Variants in MED20 observed in about 807,000 individuals in gnomAD.
MED20 encodes the protein mediator complex subunit 20.
Under a neutral mutation model 19.7 loss-of-function variants are expected in MED20, and 19 were observed. The observed-to-expected ratio is 0.96, with a 90% CI of 0.67 to 1.42. The LOEUF (loss-of-function observed/expected upper bound fraction) is 1.42. MED20 is among the 40% of genes most tolerant of loss of function. The pLI is 0.00. For missense variants in MED20, 225 were observed against 273.0 expected, an observed-to-expected ratio of 0.82 and a Z score of 1.24; for synonymous variants, 105 against 104.8, an observed-to-expected ratio of 1.00 and a Z score of -0.01.
intron 2 of MED20, among the ~76,000 whole-genome samples, chr6:41,914,202 C>T (rs993391247): frequency 6.6e-6 from 1 of 152,102 alleles, no homozygotes; most frequent in Admixed American, 6.5e-5. Context: ...GTGCTGTTGT[C>T]GGAGGCAGGA....
intron 2 of MED20, among the ~76,000 whole-genome samples, chr6:41,910,084 T>C (rs375793105): frequency 6.6e-6 from 1 of 152,228 alleles, no homozygotes; most frequent in East Asian, 1.9e-4. Context: ...ATAGGTCTTA[T>C]CTACCATGCC....
At position 41,916,841 on chromosome 6, in the gene MED20, G is replaced by A. The variant is rs1561939381; in HGVS notation, c.113C>T (p.Thr38Ile). 1 of 1,614,094 alleles carries A rather than the reference G, an allele frequency of 6.2e-7. No homozygotes were observed. Among genetic ancestry groups the A allele is most frequent in the Non-Finnish European group, 8.5e-7 (1 of 1,180,016 alleles). Reference protein sequence around the residue: ...LEMLGAEKQGTFCVDCETYHT... With the variant: ...LEMLGAEKQGIFCVDCETYHT... ...GTAAGTCTCACAGTCCACACAAAAT[G>A]TTCCTTGCTTCTCTGCCCCAAGCAT... Residue 38 changes from threonine to isoleucine, a missense_variant, in exon 2 of 4, where the codon ACA becomes ATA. Coordinates refer to ENST00000265350, the MANE Select transcript of MED20 (RefSeq NM_004275.5).
In MED20 at chr6:41,905,966, A is replaced by G. The variant is rs1031993422; in HGVS notation, c.*1106T>C. 6.6e-6 allele frequency: 1 copy of G among 152,244 alleles called. No homozygotes were observed. Among genetic ancestry groups the G allele is most frequent in the Non-Finnish European group, 1.5e-5 (1 of 68,048 alleles). The allele number at this position is 152,244 out of a possible 1,614,324, so 9.4% of individuals were successfully genotyped here. ...GCCCTTCTCTCAAGTCAACTCATAA[A>G]CAAATGCTTTAGTTACAGGAGGTAT... On this transcript the variant is annotated 3_prime_UTR_variant, in exon 4 of 4. Coordinates refer to ENST00000265350, the MANE Select transcript of MED20 (RefSeq NM_004275.5).
At position 41,920,991 on chromosome 6, in the gene MED20, C is replaced by T. The variant is rs764631322; in HGVS notation, c.14+14G>A. The T allele has an allele frequency of 1.9e-6, 3 of 1,611,722 alleles. No homozygotes were observed. Among genetic ancestry groups the T allele is most frequent in the East Asian group, 2.2e-5 (1 of 44,454 alleles). Reference sequence around the variant, plus strand: ...ACTCCAAGCCCCGCCCCACAAAACCCCCTGCAGTCCTACCAAGTCACTCCC... The same window carrying T: ...ACTCCAAGCCCCGCCCCACAAAACCTCCTGCAGTCCTACCAAGTCACTCCC... On this transcript the variant is annotated intron_variant, in intron 1 of 3. Coordinates refer to ENST00000265350, the MANE Select transcript of MED20 (RefSeq NM_004275.5).
Position 41,907,026 on chromosome 6 carries a change from T to G in MED20, c.*46A>C. 6.3e-7 allele frequency: 1 copy of G among 1,581,514 alleles called. No individual in the cohort carries two copies. The highest frequency in any genetic ancestry group is 8.7e-7 in the Non-Finnish European group (1 of 1,154,090). Reference sequence around the variant, plus strand: ...CCTGAAAGTCAGCACCTGCTCCTCCTGTGGAGTACCCCTGGTGACAGAGCT... The same window carrying G: ...CCTGAAAGTCAGCACCTGCTCCTCCGGTGGAGTACCCCTGGTGACAGAGCT... On this transcript the variant is annotated 3_prime_UTR_variant, in exon 4 of 4. Coordinates refer to ENST00000265350, the MANE Select transcript of MED20 (RefSeq NM_004275.5).
chr6:41,921,012 C>T lies in MED20; in HGVS notation c.7G>A (p.Val3Met), dbSNP rs200342223. 60 of 1,613,314 alleles carry T rather than the reference C, an allele frequency of 3.7e-5. No homozygotes were observed. The highest frequency in any genetic ancestry group is 5.0e-5 in the Admixed American group (3 of 59,954). Reference sequence around the variant, plus strand: ...AACCCCCTGCAGTCCTACCAAGTCACTCCCATGGCGTCGGGCCAGGAAGGT... The same window carrying T: ...AACCCCCTGCAGTCCTACCAAGTCATTCCCATGGCGTCGGGCCAGGAAGGT... MG[V>M]TCVSQMPVAE... is the part of the protein sequence containing the mutation. The change falls in exon 1 of 4, where the codon GTG becomes ATG. Residue 3 changes from valine to methionine, a missense_variant. Transcript: ENST00000265350.
chr6:41,921,100 C>T lies in MED20; in HGVS notation c.-82G>A. ...CGCCCACAGAAACTCCTTCAGTTCC[C>T]CAACACAACCTTCTGTCTCAGAAGG... On this transcript the variant is annotated 5_prime_UTR_variant, in exon 1 of 4. Coordinates refer to ENST00000265350, the MANE Select transcript of MED20 (RefSeq NM_004275.5). The T allele has an allele frequency of 6.4e-7, 1 of 1,560,314 alleles. No individual in the cohort carries two copies. The highest frequency in any genetic ancestry group is 8.8e-7 in the Non-Finnish European group (1 of 1,142,480).
At position 41,907,041 on chromosome 6, in the gene MED20, G is replaced by C. The variant is rs779475459; in HGVS notation, c.*31C>G. Reference sequence around the variant, plus strand: ...CTGCTCCTCCTGTGGAGTACCCCTGGTGACAGAGCTCAGCTGGCAGCTGCT... The same window carrying C: ...CTGCTCCTCCTGTGGAGTACCCCTGCTGACAGAGCTCAGCTGGCAGCTGCT... On this transcript the variant is annotated 3_prime_UTR_variant, in exon 4 of 4. Transcript: ENST00000265350. 2.5e-6 allele frequency: 4 copies of C among 1,605,758 alleles called. No individual in the cohort carries two copies. The highest frequency in any genetic ancestry group is 3.4e-6 in the Non-Finnish European group (4 of 1,174,450).
In MED20 at chr6:41,909,408, A is replaced by G. The variant is rs1395857729; in HGVS notation, c.284T>C (p.Met95Thr). ...CTGGAAAAAGCCCTTGAGCTTCACC[A>G]TAAGCACATCAAAGTTGGTGTCAGC... is the stretch of plus-strand genomic sequence containing the variant. ...LIADTNFDVL[M>T]VKLKGFFQSA... The change falls in exon 3 of 4, where the codon ATG becomes ACG. Residue 95 changes from methionine (M) to threonine (T), a missense_variant. Coordinates refer to ENST00000265350, the MANE Select transcript of MED20 (RefSeq NM_004275.5). 9.9e-6 allele frequency: 16 copies of G among 1,614,136 alleles called. No individual in the cohort carries two copies. The highest frequency in any genetic ancestry group is 1.3e-5 in the African/African-American group (1 of 74,942).
chr6:41,914,828 G>C (rs1419540130), intron 2 of MED20, among the ~76,000 whole-genome samples: 2 of 152,134 alleles, frequency 1.3e-5, no homozygotes, highest in African/African-American at 4.8e-5. Flanking sequence ...TGCTAATGAG[G>C]AGGTCAAGGC....
intron 2 of MED20, among the ~76,000 whole-genome samples, chr6:41,910,279 T>C (rs1396337029): frequency 6.6e-6 from 1 of 152,236 alleles, no homozygotes; most frequent in Non-Finnish European, 1.5e-5. Context: ...TCTCATTTAT[T>C]TCCATAGGCT....
intron 2 of MED20, among the ~76,000 whole-genome samples, 180 bp from the exon 3 acceptor site, chr6:41,909,702 T>G (rs138018051): frequency 1.3e-5 from 2 of 152,152 alleles, no homozygotes; most frequent in East Asian, 3.9e-4. Context: ...TAGGGGGAAA[T>G]AGCAGGAGAG....
chr6:41,913,284 C>T (rs191123011), intron 2 of MED20, among the ~76,000 whole-genome samples: 1 of 152,186 alleles, frequency 6.6e-6, no homozygotes, highest in Admixed American at 6.5e-5. Flanking sequence ...AGCCAGTAAC[C>T]AGCAAAACTG....
chr6:41,920,833 C>A (rs1775443697), intron 1 of MED20, 172 bp downstream of exon 1: 1 of 672,616 alleles, frequency 1.5e-6, no homozygotes. Flanking sequence ...GGAAGGGGCG[C>A]ATCTCTGAGG....
chr6:41,916,571 GCTCCAT>G (rs1385745804), intron 2 of MED20, among the ~76,000 whole-genome samples: 3 of 151,826 alleles, frequency 2.0e-5, no homozygotes, highest in Non-Finnish European at 2.9e-5. Context: ...CAAGAGCAAA[GCTCCAT>G]CTCAAAAAAA....
intron 2 of MED20, among the ~76,000 whole-genome samples, chr6:41,916,346 G>C (rs752123563): frequency 3.9e-5 from 6 of 152,148 alleles, no homozygotes; most frequent in Non-Finnish European, 8.8e-5. Flanking sequence ...TTGGGAGGCC[G>C]AGGTGGGCAG....
intron 2 of MED20, among the ~76,000 whole-genome samples, chr6:41,910,999 C>T (rs929479524): frequency 9.9e-5 from 15 of 151,486 alleles, no homozygotes; most frequent in African/African-American, 2.9e-4. Flanking sequence ...ATCCCAGCTA[C>T]TCGGGAGGCT....
intron 1 of MED20, among the ~76,000 whole-genome samples, chr6:41,920,104 G>A (rs1218137834): frequency 6.6e-6 from 1 of 152,080 alleles, no homozygotes; most frequent in African/African-American, 2.4e-5. Flanking sequence ...ACGAGCACTG[G>A]ACCCATACCT....
chr6:41,907,312 G>A (rs201843367), intron 3 of MED20, 25 bp from the exon 4 acceptor site: 59 of 1,585,626 alleles, frequency 3.7e-5, no homozygotes, highest in Middle Eastern at 1.7e-4. Flanking sequence ...CACAGAGAAT[G>A]AGGGTGAATG....
Sources: gnomAD v4.1 joint callset for allele counts (sites outside exome capture counted in the v4.1 genomes callset) on GRCh38, gnomAD v4.1.1 for gene constraint, MANE v1.5 for transcripts, NCBI Gene and HGNC (gene_info 2026-07-23, HGNC 2026-07-21) for gene names.